The following THADA variants were observed in gnomAD, a reference collection of about 807,000 sequenced individuals.
THADA encodes the protein THADA armadillo repeat containing.
In THADA, 213 loss-of-function variants were observed where a neutral mutation model predicts 219.8. That is an observed-to-expected ratio of 0.97 (90% confidence interval 0.87 to 1.09). The LOEUF is 1.09. Ranked by LOEUF, THADA falls within the 50% of genes least tolerant of loss-of-function variation. THADA has a pLI of 0.00. For missense variants in THADA, 2,956 were observed against 2,311.3 expected, an observed-to-expected ratio of 1.28 and a Z score of -5.72; for synonymous variants, 1,018 against 828.9, an observed-to-expected ratio of 1.23 and a Z score of -3.92.
intron 28 of THADA, among the ~76,000 whole-genome samples, chr2:43,413,035 G>C (rs1238657641): frequency 1.3e-5 from 2 of 152,166 alleles, no homozygotes; most frequent in Admixed American, 1.3e-4. Context: ...TTTGGTCAGA[G>C]TTCTGAGTTA....
intron 35 of THADA, among the ~76,000 whole-genome samples, chr2:43,280,587 G>C (rs1032638115): frequency 6.6e-6 from 1 of 152,054 alleles, no homozygotes; most frequent in Non-Finnish European, 1.5e-5. Flanking sequence ...AACTGAGATC[G>C]TGCCACTGCA....
Position 43,293,123 on chromosome 2 carries a change from G to T in THADA, c.4529C>A (p.Pro1510Gln), listed in dbSNP as rs369662844. Residue 1510 changes from proline (P) to glutamine (Q), a missense_variant, in exon 32 of 38, where the codon CCA becomes CAA. Coordinates refer to ENST00000405975, the MANE Select transcript of THADA (RefSeq NM_022065.5). Reference protein sequence around the residue: ...ITGFPWAFKVPGLPQYLQSLT... With the variant: ...ITGFPWAFKVQGLPQYLQSLT... ...GCTCTGGAGGTACTGGGGCAGGCCTGGCACCTTGAAGGCCCAAGGGAATCC... is the reference window on the plus strand; with the variant it reads ...GCTCTGGAGGTACTGGGGCAGGCCTTGCACCTTGAAGGCCCAAGGGAATCC... 1 of 1,613,988 alleles carries T rather than the reference G, an allele frequency of 6.2e-7. No homozygotes were observed. The highest frequency in any genetic ancestry group is 1.7e-5 in the Admixed American group (1 of 60,018).
intron 24 of THADA, among the ~76,000 whole-genome samples, chr2:43,501,004 T>C (rs1013475993): frequency 1.3e-5 from 2 of 151,724 alleles, no homozygotes; most frequent in Non-Finnish European, 2.9e-5. Flanking sequence ...ATCTCAAAAA[T>C]AATCTATAAG....
chr2:43,436,428 C>T (rs1307555501), intron 26 of THADA, among the ~76,000 whole-genome samples: 1 of 152,204 alleles, frequency 6.6e-6, no homozygotes, highest in East Asian at 1.9e-4. Context: ...ATTTAACCAA[C>T]TGCTGGGTCT....
chr2:43,398,878 TG>T lies in THADA; in HGVS notation c.4059-740del, dbSNP rs1403438394. Among the ~76,000 whole-genome samples, 7 of 152,296 alleles carry T rather than the reference TG, an allele frequency of 4.6e-5. No individual in the cohort carries two copies. In the East Asian group the frequency reaches 1.3e-3, roughly 29 times the overall value. On this transcript the variant is annotated intron_variant, in intron 28 of 37. Coordinates refer to ENST00000405975, the MANE Select transcript of THADA (RefSeq NM_022065.5). ...AACTTACTGTTAAGAGAACAAGAGATGGACCTTCAAATCACCAAATCCTTGA... is the reference window on the plus strand; with the variant it reads ...AACTTACTGTTAAGAGAACAAGAGATGACCTTCAAATCACCAAATCCTTGA...
intron 36 of THADA, among the ~76,000 whole-genome samples, chr2:43,267,233 C>T (rs1171325017): frequency 2.0e-5 from 3 of 152,156 alleles, no homozygotes; most frequent in African/African-American, 7.2e-5. Flanking sequence ...AAGTTGCTAA[C>T]AGAAAAAATG....
chr2:43,572,841 C>T lies in THADA; in HGVS notation c.1881G>A (p.Lys627=). The change falls in exon 12 of 38, where the codon AAG becomes AAA. Residue 627 remains lysine, a synonymous_variant. Transcript: ENST00000405975. ...GGCAATGCTGATGAATTAAGCCTTG[C>T]TTTATTCTTGCATCAGACACGAGGT... The part of the protein sequence containing the change: ...WENLVSDARI[K]QGLIHQHCQV... The T allele has an allele frequency of 3.1e-6, 5 of 1,613,794 alleles. No individual in the cohort carries two copies. The East Asian group carries it at 6.7e-5, about 22-fold the overall frequency.
At chr2:43,318,575 T>C (rs1678339774) in intron 31 of THADA, among the ~76,000 whole-genome samples, 1 of 152,170 alleles carries the variant, frequency 6.6e-6, no homozygotes, top group Non-Finnish European at 1.5e-5. Flanking sequence ...GATCCACATA[T>C]GACTAGTGGC....
At chr2:43,591,267 T>C (rs1463638275) in intron 3 of THADA, among the ~76,000 whole-genome samples, 2 of 151,970 alleles carry the variant, frequency 1.3e-5, no homozygotes, top group Non-Finnish European at 2.9e-5. Context: ...GAGGCTGTGG[T>C]TGAGCCAAGA....
intron 36 of THADA, among the ~76,000 whole-genome samples, chr2:43,260,337 TC>T (rs1670798251): frequency 6.6e-6 from 1 of 152,246 alleles, no homozygotes; most frequent in South Asian, 2.1e-4. Context: ...AGCATTTTTT[TC>T]ATGCGTGTCC....
In THADA at chr2:43,311,959, G is replaced by T. The variant is rs557472678; in HGVS notation, c.4438+8487C>A. On this transcript the variant is annotated intron_variant, in intron 31 of 37. Coordinates refer to ENST00000405975, the MANE Select transcript of THADA (RefSeq NM_022065.5). ...CATGCCTGTAATCCCAGCACTTTGG[G>T]AGGCCGAGGCAGGAGGGCTGCTTAA... Among the ~76,000 whole-genome samples the T allele has an allele frequency of 1.0e-3, 154 of 152,344 alleles. 1 individual carries two copies. The highest frequency in any genetic ancestry group is 3.5e-3 in the African/African-American group (147 of 41,578).
intron 36 of THADA, among the ~76,000 whole-genome samples, chr2:43,236,883 A>T (rs2104028840): frequency 6.7e-6 from 1 of 149,362 alleles, no homozygotes; most frequent in African/African-American, 2.5e-5. Flanking sequence ...AACATAGTGA[A>T]ACCCCGTCTC....
At chr2:43,273,726 G>A (rs1672401105) in intron 36 of THADA, among the ~76,000 whole-genome samples, 1 of 152,108 alleles carries the variant, frequency 6.6e-6, no homozygotes, top group Admixed American at 6.5e-5. Flanking sequence ...TGCTGACTGA[G>A]CTGTCTCACT....
chr2:43,483,757 G>A (rs1209797870), intron 26 of THADA, among the ~76,000 whole-genome samples: 1 of 150,934 alleles, frequency 6.6e-6, no homozygotes, highest in Non-Finnish European at 1.5e-5. Flanking sequence ...ATAGTAAAAT[G>A]TATATATATT....
intron 1 of THADA, among the ~76,000 whole-genome samples, chr2:43,594,677 T>C (rs1701952082): frequency 6.6e-6 from 1 of 152,190 alleles, no homozygotes; most frequent in African/African-American, 2.4e-5. Flanking sequence ...CCACTCTTCA[T>C]CTCAAACCAA....
At chr2:43,461,083 T>C (rs1484910868) in intron 26 of THADA, among the ~76,000 whole-genome samples, 1 of 152,162 alleles carries the variant, frequency 6.6e-6, no homozygotes, top group African/African-American at 2.4e-5. Context: ...GAAAGTAGGC[T>C]GGACTGTGGA....
chr2:43,533,943 C>A (rs1269702765), intron 21 of THADA, among the ~76,000 whole-genome samples: 3 of 152,056 alleles, frequency 2.0e-5, no homozygotes, highest in African/African-American at 7.2e-5. Flanking sequence ...TTGCAGGTGA[C>A]ATTATGGACA....
At chr2:43,537,356 T>A (rs1349353233) in intron 21 of THADA, among the ~76,000 whole-genome samples, 1 of 152,208 alleles carries the variant, frequency 6.6e-6, no homozygotes, top group African/African-American at 2.4e-5. Context: ...AACCACATAC[T>A]ATGTACTTCT....
intron 37 of THADA, 145 bp from the exon 38 acceptor site, chr2:43,231,488 T>G: frequency 2.8e-6 from 2 of 707,952 alleles, no homozygotes; most frequent in Non-Finnish European, 4.3e-6. Context: ...TCAACATCCA[T>G]GTACACACAC....
Sources: gnomAD v4.1 joint callset for allele counts (sites outside exome capture counted in the v4.1 genomes callset) on GRCh38, gnomAD v4.1.1 for gene constraint, MANE v1.5 for transcripts, NCBI Gene and HGNC (gene_info 2026-07-23, HGNC 2026-07-21) for gene names.